The following IGF1R variants were observed in gnomAD, a reference collection of about 807,000 sequenced individuals.
IGF1R encodes insulin-like growth factor 1 receptor.
Under a neutral mutation model 144.6 loss-of-function variants are expected in IGF1R, and 44 were observed. The ratio of observed to expected loss-of-function variants is 0.30; its 90% CI spans 0.24 to 0.39. The LOEUF (loss-of-function observed/expected upper bound fraction) is 0.39. Ranked by LOEUF, IGF1R falls within the 10% of genes least tolerant of loss-of-function variation. The probability of loss-of-function intolerance (pLI) is 1.00; values close to 1 mark genes in which losing one functional copy is unlikely to be tolerated. For synonymous variants in IGF1R, 795 were observed against 722.8 expected, an observed-to-expected ratio of 1.10 and a Z score of -1.60; for missense variants, 1,355 against 1,833.7, an observed-to-expected ratio of 0.74 and a Z score of 4.77.
At chr15:98,845,559 T>A (rs148515743) in intron 2 of IGF1R, among the ~76,000 whole-genome samples, 101 of 137,650 alleles carry the variant, frequency 7.3e-4, no homozygotes, top group Non-Finnish European at 1.1e-3. Context: ...TCCTCTCTCC[T>A]CTTCTCTCGT....
At chr15:98,753,201 G>A (rs2055060946) in intron 2 of IGF1R, among the ~76,000 whole-genome samples, 2 of 150,650 alleles carry the variant, frequency 1.3e-5, no homozygotes, top group Admixed American at 6.6e-5. Flanking sequence ...AAAGTGCTGG[G>A]ATTACAGGTG....
intron 2 of IGF1R, among the ~76,000 whole-genome samples, chr15:98,797,397 C>A (rs57670373): frequency 0.055 from 8,414 of 152,244 alleles, 774 homozygotes; most frequent in African/African-American, 0.19. Context: ...GCGAGTGGAC[C>A]GTTACCTGTG....
intron 2 of IGF1R, among the ~76,000 whole-genome samples, chr15:98,862,495 C>G: frequency 6.6e-6 from 1 of 152,222 alleles, no homozygotes; most frequent in East Asian, 1.9e-4. Flanking sequence ...CCTGAATAAA[C>G]TCCAGCAACA....
intron 2 of IGF1R, among the ~76,000 whole-genome samples, chr15:98,866,368 T>G (rs1444215610): frequency 6.6e-6 from 1 of 152,254 alleles, no homozygotes; most frequent in Non-Finnish European, 1.5e-5. Flanking sequence ...CTCTTCGGTT[T>G]ATTTTCTCAT....
chr15:98,775,598 G>A (rs1290453700), intron 2 of IGF1R, among the ~76,000 whole-genome samples: 1 of 152,160 alleles, frequency 6.6e-6, no homozygotes, highest in Non-Finnish European at 1.5e-5. Context: ...CTGGGGAGGG[G>A]TCTTTGGCCA....
intron 2 of IGF1R, among the ~76,000 whole-genome samples, chr15:98,854,291 C>T (rs1223619399): frequency 6.6e-6 from 1 of 152,156 alleles, no homozygotes; most frequent in Non-Finnish European, 1.5e-5. Flanking sequence ...CGGCTTCTCT[C>T]CCTTACTCAT....
intron 20 of IGF1R, chr15:98,954,100 T>G (rs2016885618): frequency 6.6e-6 from 1 of 152,262 alleles, no homozygotes; most frequent in African/African-American, 2.4e-5. Flanking sequence ...CGTGTGGGAA[T>G]GTGCGGGTGC....
chr15:98,798,155 A>T (rs953087268), intron 2 of IGF1R, among the ~76,000 whole-genome samples: 13 of 152,174 alleles, frequency 8.5e-5, no homozygotes, highest in Non-Finnish European at 1.6e-4. Context: ...AGCTTTTATT[A>T]AAGTAGGGAA....
In IGF1R at chr15:98,821,292, CCT is replaced by C. The variant is rs1567145811; in HGVS notation, c.641-70032_641-70031del. Among the ~76,000 whole-genome samples the C allele has an allele frequency of 1.0e-3, 158 of 151,374 alleles. 2 individuals carry two copies. Among genetic ancestry groups the C allele is most frequent in the African/African-American group, 3.6e-3 (148 of 41,066 alleles). On this transcript the variant is annotated intron_variant, in intron 2 of 20. Transcript: ENST00000650285. ...TTATTTTAAACACGCCTCCCCCCCC[CCT>C]TTTTAAACTGATTTTACCATCACTC...
intron 1 of IGF1R, among the ~76,000 whole-genome samples, chr15:98,693,613 G>A (rs1214658779): frequency 6.6e-6 from 1 of 152,112 alleles, no homozygotes; most frequent in Non-Finnish European, 1.5e-5. Flanking sequence ...CTCCTGTTTT[G>A]TTTGTTTTTT....
At chr15:98,952,322 AC>A in intron 20 of IGF1R, among the ~76,000 whole-genome samples, 1 of 151,654 alleles carries the variant, frequency 6.6e-6, no homozygotes, top group Non-Finnish European at 1.5e-5. Flanking sequence ...ACACACACAC[AC>A]ACACACACTG....
intron 2 of IGF1R, among the ~76,000 whole-genome samples, chr15:98,728,976 G>C (rs2054431980): frequency 6.6e-6 from 1 of 152,178 alleles, no homozygotes; most frequent in African/African-American, 2.4e-5. Context: ...TCCTTCTAAG[G>C]TCGTTGTGAG....
chr15:98,774,596 A>G (rs571515054), intron 2 of IGF1R, among the ~76,000 whole-genome samples: 1 of 152,070 alleles, frequency 6.6e-6, no homozygotes, highest in East Asian at 1.9e-4. Context: ...AGCCAGTCAC[A>G]AAAGGACAAA....
intron 2 of IGF1R, among the ~76,000 whole-genome samples, chr15:98,752,817 T>TGTATTATGTATACATAATTC (rs1177388635): frequency 6.6e-6 from 1 of 152,236 alleles, no homozygotes; most frequent in Non-Finnish European, 1.5e-5. Flanking sequence ...AATTCAATTT[T>TGTATTATGTATACATAATTC]AGTTAAAATG....
At chr15:98,724,803 A>C (rs1596236739) in intron 2 of IGF1R, among the ~76,000 whole-genome samples, 2 of 152,288 alleles carry the variant, frequency 1.3e-5, no homozygotes, top group South Asian at 4.1e-4. Flanking sequence ...TCAGAGCCGG[A>C]TCCTTCAGAC....
At position 98,940,070 on chromosome 15, in the gene IGF1R, T is replaced by A. The variant is rs536313383; in HGVS notation, c.3457+710T>A. ...AATGGTTAAAACCCACTTCAGCCTT[T>A]AGGTTTGTGTTTTTACTTCGGTCTT... is the stretch of plus-strand genomic sequence containing the variant. On this transcript the variant is annotated intron_variant, in intron 18 of 20. Coordinates refer to ENST00000650285, the MANE Select transcript of IGF1R (RefSeq NM_000875.5). Among the ~76,000 whole-genome samples the A allele has an allele frequency of 3.9e-5, 6 of 152,244 alleles. No individual in the cohort carries two copies. In the South Asian group the frequency reaches 6.2e-4, roughly 16 times the overall value.
intron 1 of IGF1R, among the ~76,000 whole-genome samples, chr15:98,664,237 C>T (rs1486695871): frequency 2.0e-5 from 3 of 152,144 alleles, no homozygotes; most frequent in African/African-American, 7.2e-5. Context: ...TCCCTTTTCC[C>T]CCCAGTCTTG....
chr15:98,809,086 T>C (rs2056529637), intron 2 of IGF1R, among the ~76,000 whole-genome samples: 1 of 152,208 alleles, frequency 6.6e-6, no homozygotes, highest in Non-Finnish European at 1.5e-5. Flanking sequence ...TGCAATATAG[T>C]TCTAGTGTAG....
intron 2 of IGF1R, among the ~76,000 whole-genome samples, chr15:98,711,103 C>T (rs1260775466): frequency 2.6e-5 from 4 of 152,044 alleles, no homozygotes; most frequent in Admixed American, 6.5e-5. Context: ...TTGGCTGAGT[C>T]GTCACTGCAG....
Sources: allele counts gnomAD v4.1 joint callset (sites outside exome capture counted in the v4.1 genomes callset), GRCh38; gene constraint gnomAD v4.1.1; transcripts MANE v1.5; gene names NCBI Gene and HGNC (gene_info 2026-07-23, HGNC 2026-07-21).